Variants in PDE1C observed in about 807,000 individuals in gnomAD.
PDE1C encodes dual specificity calcium/calmodulin-dependent 3',5'-cyclic nucleotide phosphodiesterase 1C.
Under a neutral mutation model 93.1 loss-of-function variants are expected in PDE1C, and 62 were observed. The observed-to-expected ratio is 0.67, with a 90% CI of 0.54 to 0.82. PDE1C has a LOEUF of 0.82. Ranked by LOEUF, PDE1C falls within the 40% of genes least tolerant of loss-of-function variation. The pLI is 0.00. For synonymous variants in PDE1C, 325 were observed against 310.1 expected, an observed-to-expected ratio of 1.05 and a Z score of -0.50; for missense variants, 742 against 884.6, an observed-to-expected ratio of 0.84 and a Z score of 2.04.
chr7:32,165,467 C>T (rs1480748540), intron 3 of PDE1C, among the ~76,000 whole-genome samples: 3 of 151,924 alleles, frequency 2.0e-5, no homozygotes, highest in Non-Finnish European at 2.9e-5. Context: ...TTAATTGACT[C>T]ACAGTTCCAC....
intron 1 of PDE1C, among the ~76,000 whole-genome samples, chr7:32,238,742 T>C (rs1351265017): frequency 1.3e-5 from 2 of 152,240 alleles, no homozygotes; most frequent in Admixed American, 6.5e-5. Context: ...ATGTTTGCTA[T>C]ATGAAAACTT....
chr7:32,175,006 C>T (rs968033645), intron 2 of PDE1C, among the ~76,000 whole-genome samples: 8 of 152,140 alleles, frequency 5.3e-5, no homozygotes, highest in African/African-American at 1.9e-4. Context: ...GTCAATGAAT[C>T]AGAAGGATCA....
intron 1 of PDE1C, among the ~76,000 whole-genome samples, chr7:32,059,337 T>C (rs1256465054): frequency 2.0e-5 from 3 of 152,170 alleles, no homozygotes; most frequent in African/African-American, 7.2e-5. Context: ...TGCATTTCTA[T>C]CTAGTGCTGG....
the PDE1C span, among the ~76,000 whole-genome samples, chr7:31,654,188 C>T: frequency 6.6e-6 from 1 of 152,086 alleles, no homozygotes; most frequent in African/African-American, 2.4e-5. Flanking sequence ...TGTGGAAGGC[C>T]TTGCTAAAGG....
At chr7:32,375,004 A>G (rs1024161255) in intron 1 of PDE1C, among the ~76,000 whole-genome samples, 1 of 152,144 alleles carries the variant, frequency 6.6e-6, no homozygotes, top group Non-Finnish European at 1.5e-5. Flanking sequence ...CTTGAGTCCT[A>G]TCAGGAAACA....
chr7:31,816,774 C>T (rs751398118), intron 14 of PDE1C, among the ~76,000 whole-genome samples: 2 of 152,082 alleles, frequency 1.3e-5, no homozygotes, highest in Non-Finnish European at 2.9e-5. Flanking sequence ...GATAATTGAG[C>T]CTTATGAAAA....
At chr7:32,377,228 C>G (rs957234602) in intron 1 of PDE1C, among the ~76,000 whole-genome samples, 1 of 152,198 alleles carries the variant, frequency 6.6e-6, no homozygotes, top group African/African-American at 2.4e-5. Flanking sequence ...GTGTGCCAAG[C>G]TGCATCTCTG....
intron 2 of PDE1C, among the ~76,000 whole-genome samples, chr7:31,911,981 C>G (rs1801298959): frequency 6.6e-6 from 1 of 152,112 alleles, no homozygotes; most frequent in African/African-American, 2.4e-5. Context: ...ATTACAGGAG[C>G]TTTCATATTC....
chr7:31,660,158 G>A, the PDE1C span, among the ~76,000 whole-genome samples: 8 of 152,166 alleles, frequency 5.3e-5, no homozygotes, highest in Non-Finnish European at 1.0e-4. Flanking sequence ...GCTGAACTGT[G>A]AGTCAATTAA....
At chr7:31,940,857 G>C (rs1805737774) in intron 2 of PDE1C, among the ~76,000 whole-genome samples, 1 of 151,924 alleles carries the variant, frequency 6.6e-6, no homozygotes, top group Non-Finnish European at 1.5e-5. Flanking sequence ...CACACACACA[G>C]ACCCTTCAAG....
intron 16 of PDE1C, among the ~76,000 whole-genome samples, chr7:31,779,889 C>T (rs1476525797): frequency 1.3e-5 from 2 of 152,288 alleles, no homozygotes; most frequent in South Asian, 4.1e-4. Context: ...TTCACCCTTC[C>T]GTTGCTCCCT....
At chr7:31,864,857 C>G in intron 7 of PDE1C, 85 bp downstream of exon 7, 1 of 1,325,272 alleles carries the variant, frequency 7.5e-7, no homozygotes, top group South Asian at 1.3e-5. Context: ...CTCGTGGCCT[C>G]CACCTCATCA....
intron 2 of PDE1C, among the ~76,000 whole-genome samples, chr7:32,001,664 A>G (rs1471977698): frequency 6.6e-6 from 1 of 152,182 alleles, no homozygotes; most frequent in African/African-American, 2.4e-5. Context: ...CATTTTGCAG[A>G]TGACGAAAAA....
intron 2 of PDE1C, among the ~76,000 whole-genome samples, chr7:31,947,011 A>T (rs1265929492): frequency 2.0e-5 from 3 of 152,200 alleles, no homozygotes; most frequent in African/African-American, 4.8e-5. Flanking sequence ...TTGCGTAGTT[A>T]CAGATGCCAG....
intron 17 of PDE1C, among the ~76,000 whole-genome samples, chr7:31,765,474 C>A (rs1389109348): frequency 6.6e-6 from 1 of 152,136 alleles, no homozygotes; most frequent in Non-Finnish European, 1.5e-5. Flanking sequence ...TTCTTAACAA[C>A]GTGTGCATTT....
the PDE1C span, among the ~76,000 whole-genome samples, chr7:31,727,200 C>T: frequency 9.2e-4 from 140 of 152,252 alleles, no homozygotes; most frequent in African/African-American, 3.2e-3. Flanking sequence ...CTTACTGAGA[C>T]GCCCCACAGT....
downstream of PDE1C, among the ~76,000 whole-genome samples, chr7:31,749,358 G>A (rs550217141): frequency 5.9e-5 from 9 of 152,218 alleles, no homozygotes; most frequent in Admixed American, 5.2e-4. Context: ...CTTTCCTTAC[G>A]TGGATTGGTC....
chr7:31,945,320 T>G (rs1584115868), intron 2 of PDE1C, among the ~76,000 whole-genome samples: 1 of 152,278 alleles, frequency 6.6e-6, no homozygotes, highest in East Asian at 1.9e-4. Context: ...CATTTATTTC[T>G]TCTCTGATGT....
chr7:32,118,805 G>A (rs1372551133), intron 3 of PDE1C, among the ~76,000 whole-genome samples: 1 of 152,148 alleles, frequency 6.6e-6, no homozygotes, highest in Admixed American at 6.5e-5. Flanking sequence ...CATCATGATG[G>A]CAATTAAATT....
Sources: allele counts gnomAD v4.1 joint callset (sites outside exome capture counted in the v4.1 genomes callset), GRCh38; gene constraint gnomAD v4.1.1; transcripts MANE v1.5; gene names NCBI Gene and HGNC (gene_info 2026-07-23, HGNC 2026-07-21).